TENM3: variants seen among roughly 807,000 people sequenced by gnomAD.
The protein encoded by TENM3 is teneurin transmembrane protein 3.
TENM3 carries 63 observed loss-of-function variants against 255.1 expected under a neutral mutation model. That is an observed-to-expected ratio of 0.25 (90% confidence interval 0.20 to 0.30). The LOEUF is 0.30. TENM3 is among the 10% of genes least tolerant of loss of function. The probability of loss-of-function intolerance (pLI) is 1.00; values close to 1 mark genes in which losing one functional copy is unlikely to be tolerated. For missense variants in TENM3, 2,929 were observed against 3,461.1 expected (o/e 0.85, Z 3.86); for synonymous variants, 1,306 against 1,322.3 (o/e 0.99, Z 0.27).
chr4:182,380,738 CA>C (rs1235356361), intron 3 of TENM3, among the ~76,000 whole-genome samples: 1 of 152,090 alleles, frequency 6.6e-6, no homozygotes, highest in African/African-American at 2.4e-5. Context: ...CAAAACTTAC[CA>C]GTTTCCCGGA....
the TENM3 span, among the ~76,000 whole-genome samples, chr4:181,636,605 C>T: frequency 6.6e-6 from 1 of 152,188 alleles, no homozygotes; most frequent in African/African-American, 2.4e-5. Flanking sequence ...TCAGCAGTTA[C>T]TCTTGGCGCT....
At chr4:182,014,932 C>T in the TENM3 span, among the ~76,000 whole-genome samples, 79 of 152,270 alleles carry the variant, frequency 5.2e-4, no homozygotes, top group Non-Finnish European at 7.9e-4. Flanking sequence ...ATCCCTGTTA[C>T]ATTTGCTATA....
At chr4:181,819,829 A>G in the TENM3 span, among the ~76,000 whole-genome samples, 2 of 152,178 alleles carry the variant, frequency 1.3e-5, no homozygotes, top group South Asian at 4.1e-4. Context: ...TATGCAGCCC[A>G]GTAGGTAGCA....
At chr4:182,053,220 T>C in the TENM3 span, among the ~76,000 whole-genome samples, 2 of 152,092 alleles carry the variant, frequency 1.3e-5, no homozygotes, top group Non-Finnish European at 2.9e-5. Context: ...TCACACTGTA[T>C]AGGAATTTGC....
At chr4:181,926,470 A>G in the TENM3 span, among the ~76,000 whole-genome samples, 1 of 152,158 alleles carries the variant, frequency 6.6e-6, no homozygotes, top group Non-Finnish European at 1.5e-5. Flanking sequence ...ACCAGGACAG[A>G]ATAGATCATT....
chr4:181,645,504 A>G, the TENM3 span, among the ~76,000 whole-genome samples: 1 of 152,200 alleles, frequency 6.6e-6, no homozygotes, highest in Non-Finnish European at 1.5e-5. Flanking sequence ...TAACAGGACA[A>G]CAGTCAAATT....
chr4:181,590,270 G>A, the TENM3 span, among the ~76,000 whole-genome samples: 3 of 152,152 alleles, frequency 2.0e-5, no homozygotes, highest in African/African-American at 7.2e-5. Flanking sequence ...AGGCTCCTGG[G>A]AAAAAGCATC....
intron 3 of TENM3, among the ~76,000 whole-genome samples, chr4:182,527,021 A>G (rs1015050131): frequency 2.0e-5 from 3 of 151,836 alleles, no homozygotes; most frequent in Middle Eastern, 3.2e-3. Flanking sequence ...GCTGGTATGT[A>G]TAATACATCT....
the TENM3 span, among the ~76,000 whole-genome samples, chr4:181,893,498 C>T: frequency 0.029 from 2,946 of 100,534 alleles, 92 homozygotes; most frequent in African/African-American, 0.1. Context: ...CCCACCCCCC[C>T]CCCACCCCCA....
At chr4:182,053,383 C>T in the TENM3 span, among the ~76,000 whole-genome samples, 2 of 152,174 alleles carry the variant, frequency 1.3e-5, no homozygotes, top group Non-Finnish European at 2.9e-5. Context: ...AAATGATAAA[C>T]ACATTCTGAT....
chr4:181,630,799 A>C, the TENM3 span, among the ~76,000 whole-genome samples: 1 of 152,286 alleles, frequency 6.6e-6, no homozygotes, highest in Non-Finnish European at 1.5e-5. Context: ...TGGTGCTGAG[A>C]AGAATGTATA....
chr4:182,405,294 G>A (rs1175103512), intron 3 of TENM3, among the ~76,000 whole-genome samples: 1 of 152,174 alleles, frequency 6.6e-6, no homozygotes, highest in African/African-American at 2.4e-5. Flanking sequence ...ACTCACAGTA[G>A]ATGTTGCGTA....
chr4:182,609,430 G>A (rs1748770750), intron 4 of TENM3, among the ~76,000 whole-genome samples: 1 of 152,158 alleles, frequency 6.6e-6, no homozygotes, highest in Admixed American at 6.5e-5. Flanking sequence ...GGTAAAGTCT[G>A]TTTTCTATTA....
rs80094153 is a variant in TENM3, at chr4:182,634,625, G to A, written c.988+5736G>A. ...ATGTTAGGTTCAATGATTACAGTTA[G>A]TGATACAGACCTACCCAAAGAAATA... is the stretch of plus-strand genomic sequence containing the variant. On this transcript the variant is annotated intron_variant, in intron 5 of 27. Transcript: ENST00000511685. 8.2e-3 allele frequency among the ~76,000 whole-genome samples: 1,216 copies of A among 149,020 alleles called. 17 individuals carry two copies. Among genetic ancestry groups the A allele is most frequent in the African/African-American group, 0.028 (1,151 of 40,506 alleles).
intron 3 of TENM3, among the ~76,000 whole-genome samples, chr4:182,519,107 A>G (rs1738294547): frequency 6.6e-6 from 1 of 152,278 alleles, no homozygotes; most frequent in African/African-American, 2.4e-5. Flanking sequence ...ATAGTGTCCA[A>G]GCTGAATTGA....
the TENM3 span, among the ~76,000 whole-genome samples, chr4:181,899,361 C>A: frequency 5.9e-5 from 9 of 151,906 alleles, no homozygotes; most frequent in Admixed American, 5.2e-4. Flanking sequence ...TTTTTATTTG[C>A]TTATAAATTT....
At chr4:182,619,336 C>T (rs934682241) in intron 4 of TENM3, among the ~76,000 whole-genome samples, 6 of 151,734 alleles carry the variant, frequency 4.0e-5, no homozygotes, top group Admixed American at 1.3e-4. Flanking sequence ...GAGGCTGAGG[C>T]AGGAAAATCG....
intron 3 of TENM3, among the ~76,000 whole-genome samples, chr4:182,422,844 TG>T (rs1413480146): frequency 3.9e-5 from 6 of 152,284 alleles, no homozygotes; most frequent in African/African-American, 1.4e-4. Context: ...TTTTAGCAAT[TG>T]TATGAAATAG....
chr4:181,587,734 CACCTTGTTTCA>C, the TENM3 span, among the ~76,000 whole-genome samples: 2 of 152,200 alleles, frequency 1.3e-5, no homozygotes, highest in Admixed American at 1.3e-4. Flanking sequence ...GCTTTGTTTC[CACCTTGTTTCA>C]ATTACATCAG....
Sources: gnomAD v4.1 joint callset for allele counts (sites outside exome capture counted in the v4.1 genomes callset) on GRCh38, gnomAD v4.1.1 for gene constraint, MANE v1.5 for transcripts, NCBI Gene and HGNC (gene_info 2026-07-23, HGNC 2026-07-21) for gene names.